Variants in NAA16 observed in about 807,000 individuals in gnomAD.
The protein encoded by NAA16 is NARG1-like protein.
NAA16 carries 97 observed loss-of-function variants against 110.3 expected under a neutral mutation model. The observed-to-expected ratio is 0.88, with a 90% CI of 0.75 to 1.04. The LOEUF (loss-of-function observed/expected upper bound fraction) is 1.04. Among genes scored for constraint, NAA16 ranks in the 50% least tolerant of loss-of-function variants. The probability of loss-of-function intolerance (pLI) is 0.00; values close to 1 mark genes in which losing one functional copy is unlikely to be tolerated. For missense variants in NAA16, 1,017 were observed against 1,005.1 expected (o/e 1.01, Z -0.16); for synonymous variants, 372 against 330.6 (o/e 1.13, Z -1.36).
intron 3 of NAA16, among the ~76,000 whole-genome samples, 169 bp from the exon 4 acceptor site, chr13:41,320,498 G>A (rs529567964): frequency 6.6e-6 from 1 of 152,232 alleles, no homozygotes; most frequent in Admixed American, 6.5e-5. Context: ...AACCCAGCCT[G>A]CTCTGGTTTC....
intron 7 of NAA16, among the ~76,000 whole-genome samples, chr13:41,329,157 G>A (rs1222326545): frequency 1.3e-5 from 2 of 151,908 alleles, no homozygotes; most frequent in African/African-American, 2.4e-5. Context: ...AAGAAAATGA[G>A]CATTCCCTTT....
chr13:41,330,866 A>T (rs1261151747), intron 7 of NAA16, among the ~76,000 whole-genome samples: 1 of 152,020 alleles, frequency 6.6e-6, no homozygotes, highest in African/African-American at 2.4e-5. Context: ...TGAGGCTTTT[A>T]TGGGGATATA....
At chr13:41,323,405 C>T (rs1248402174) in intron 5 of NAA16, among the ~76,000 whole-genome samples, 1 of 150,238 alleles carries the variant, frequency 6.7e-6, no homozygotes, top group Non-Finnish European at 1.5e-5. Flanking sequence ...GGCTGGAGTG[C>T]AGTGGCACGA....
chr13:41,361,574 C>T (rs1484455823), intron 12 of NAA16, among the ~76,000 whole-genome samples: 2 of 152,198 alleles, frequency 1.3e-5, no homozygotes, highest in African/African-American at 4.8e-5. Flanking sequence ...GTGTTGACTA[C>T]CCCAGCAGAG....
intron 8 of NAA16, 82 bp downstream of exon 8, chr13:41,331,451 G>A (rs1566257456): frequency 9.7e-7 from 1 of 1,028,208 alleles, no homozygotes. Flanking sequence ...CGTGTTTCTG[G>A]TATAGAGTTT....
At chr13:41,332,899 T>C (rs978545436) in intron 8 of NAA16, among the ~76,000 whole-genome samples, 2 of 152,200 alleles carry the variant, frequency 1.3e-5, no homozygotes, top group Non-Finnish European at 2.9e-5. Context: ...CAATTCCACA[T>C]ATGAAGAGTA....
chr13:41,313,448 C>T (rs919155583), intron 1 of NAA16, among the ~76,000 whole-genome samples: 1 of 152,202 alleles, frequency 6.6e-6, no homozygotes, highest in African/African-American at 2.4e-5. Context: ...ATGATTTTAT[C>T]ATTTCACAAT....
In NAA16 at chr13:41,323,185, C is replaced by T; in HGVS notation, c.532C>T (p.Gln178Ter). 5.0e-6 allele frequency: 8 copies of T among 1,613,302 alleles called. No homozygotes were observed. The highest frequency in any genetic ancestry group is 6.8e-6 in the Non-Finnish European group (8 of 1,179,740). The stretch of plus-strand genomic sequence containing the variant: ...ACTGTTGGAAGAATTTAGACAAACT[C>T]AGCAAGTAAGAATTTTAATGTTTCC... The part of the protein sequence containing the change: ...LKLLEEFRQT[Q>*]QVPPNKIDYE... The change falls in exon 5 of 20, where the codon CAG (glutamine) becomes TAG (stop). Residue 178 changes from glutamine (Q) to a stop codon, truncating the protein, a stop_gained. Coordinates refer to ENST00000379406, the MANE Select transcript of NAA16 (RefSeq NM_024561.5). LOFTEE classifies it high-confidence loss of function.
chr13:41,324,564 C>T lies in NAA16; in HGVS notation c.538-1134C>T, dbSNP rs148929199. On this transcript the variant is annotated intron_variant, in intron 5 of 19. Coordinates refer to ENST00000379406, the MANE Select transcript of NAA16 (RefSeq NM_024561.5). Reference sequence around the variant, plus strand: ...CTAAGTTTTGTATTTTTAGTAGAGACGGGGTTTCATCATGTTGGCCAGGCT... The same window carrying T: ...CTAAGTTTTGTATTTTTAGTAGAGATGGGGTTTCATCATGTTGGCCAGGCT... 2.1e-3 allele frequency among the ~76,000 whole-genome samples: 323 copies of T among 151,222 alleles called. 2 individuals are homozygous for T. The highest frequency in any genetic ancestry group is 4.2e-3 in the Admixed American group (64 of 15,182).
In NAA16 at chr13:41,311,367, C is replaced by A; in HGVS notation, c.-162C>A. On this transcript the variant is annotated 5_prime_UTR_variant, in exon 1 of 20. Transcript: ENST00000379406. ...CCTTCCTTCTCCATTGCCACCCGTGCCGAACAGCCAGGCTGCCCAATTGCA... is the reference window on the plus strand; with the variant it reads ...CCTTCCTTCTCCATTGCCACCCGTGACGAACAGCCAGGCTGCCCAATTGCA... The A allele has an allele frequency of 3.1e-6, 2 of 647,930 alleles. No homozygotes were observed. The highest frequency in any genetic ancestry group is 2.7e-6 in the Non-Finnish European group (1 of 375,970). 40.1% of individuals were successfully genotyped at this position (647,930 alleles called of 1,614,324 possible).
At chr13:41,374,559 G>A (rs1593539423) in intron 18 of NAA16, 183 bp from the exon 19 acceptor site, 1 of 483,398 alleles carries the variant, frequency 2.1e-6, no homozygotes, top group Admixed American at 3.8e-5. Context: ...CTATCAATGG[G>A]ATGCTACTGA....
intron 9 of NAA16, among the ~76,000 whole-genome samples, chr13:41,340,408 T>C (rs1444081771): frequency 3.9e-5 from 6 of 152,158 alleles, no homozygotes; most frequent in Admixed American, 3.9e-4. Context: ...TCTAGTTCTT[T>C]TAATTGCGAT....
chr13:41,330,749 A>G (rs181005967), intron 7 of NAA16, among the ~76,000 whole-genome samples: 125 of 152,146 alleles, frequency 8.2e-4, no homozygotes, highest in Non-Finnish European at 1.5e-3. Flanking sequence ...TTGGAAGGAT[A>G]ATGGAGTTTC....
chr13:41,349,730 C>G (rs972402196), intron 9 of NAA16, among the ~76,000 whole-genome samples: 1 of 151,854 alleles, frequency 6.6e-6, no homozygotes, highest in African/African-American at 2.4e-5. Flanking sequence ...TTGGGGAGGC[C>G]GAGGTGGGTA....
intron 7 of NAA16, among the ~76,000 whole-genome samples, chr13:41,330,224 T>A (rs1045763858): frequency 1.3e-5 from 2 of 151,872 alleles, no homozygotes; most frequent in East Asian, 3.9e-4. Context: ...CCCACACATA[T>A]CCTTGGTCTT....
intron 9 of NAA16, among the ~76,000 whole-genome samples, chr13:41,345,365 A>C (rs1195391245): frequency 6.6e-6 from 1 of 152,198 alleles, no homozygotes; most frequent in Non-Finnish European, 1.5e-5. Flanking sequence ...ATTATTGATG[A>C]TAGCCATCAT....
At chr13:41,352,644 G>T (rs950310463) in intron 9 of NAA16, among the ~76,000 whole-genome samples, 2 of 152,096 alleles carry the variant, frequency 1.3e-5, no homozygotes, top group East Asian at 1.9e-4. Context: ...AACAGAGTGA[G>T]ACTTGGTCTC....
intron 5 of NAA16, 42 bp from the exon 6 acceptor site, chr13:41,325,656 A>G (rs2042073516): frequency 2.9e-6 from 4 of 1,390,138 alleles, no homozygotes; most frequent in South Asian, 1.3e-5. Flanking sequence ...TAACTGCTTT[A>G]TATAATTATA....
At chr13:41,329,777 G>A (rs575763017) in intron 7 of NAA16, among the ~76,000 whole-genome samples, 1 of 151,878 alleles carries the variant, frequency 6.6e-6, no homozygotes, top group South Asian at 2.1e-4. Context: ...GAAAACATGG[G>A]TTAACTACGA....
Sources: gnomAD v4.1 joint callset for allele counts (sites outside exome capture counted in the v4.1 genomes callset) on GRCh38, gnomAD v4.1.1 for gene constraint, MANE v1.5 for transcripts, NCBI Gene and HGNC (gene_info 2026-07-23, HGNC 2026-07-21) for gene names.